PCDH15: variants seen among roughly 807,000 people sequenced by gnomAD.
The protein encoded by PCDH15 is protocadherin related 15, also known as protocadherin-15.
PCDH15 carries 129 observed loss-of-function variants against 178.5 expected under a neutral mutation model. The observed-to-expected ratio is 0.72, with a 90% CI of 0.63 to 0.84. PCDH15 has a LOEUF of 0.84. Ranked by LOEUF, PCDH15 falls within the 40% of genes least tolerant of loss-of-function variation. The pLI, the probability that PCDH15 is intolerant of heterozygous loss-of-function variation, is 0.00. For missense variants in PCDH15, 2,230 were observed against 2,099.9 expected, an observed-to-expected ratio of 1.06 and a Z score of -1.21; for synonymous variants, 800 against 732.0, an observed-to-expected ratio of 1.09 and a Z score of -1.50.
chr10:54,099,077 C>T (rs1043249401), intron 15 of PCDH15, among the ~76,000 whole-genome samples: 3 of 152,108 alleles, frequency 2.0e-5, no homozygotes, highest in East Asian at 1.9e-4. Context: ...ATTTCTCAGC[C>T]TTCACTAGAT....
chr10:55,226,674 G>A lies in PCDH15; in HGVS notation c.-155-60023C>T, dbSNP rs561315470. Reference sequence around the variant, plus strand: ...TGAGATTACAGGCGTGAGCCACTGCGCCCGGCCAAGAATAGTTAAAGAAAA... The same window carrying A: ...TGAGATTACAGGCGTGAGCCACTGCACCCGGCCAAGAATAGTTAAAGAAAA... On this transcript the variant is annotated intron_variant, in intron 1 of 5. Transcript: ENST00000458638. Among the ~76,000 whole-genome samples the A allele has an allele frequency of 2.0e-4, 31 of 152,090 alleles. No individual in the cohort carries two copies. The East Asian group carries it at 3.5e-3, about 17-fold the overall frequency.
At chr10:53,931,599 T>TACAGA (rs146933809) in intron 25 of PCDH15, among the ~76,000 whole-genome samples, 7,098 of 152,214 alleles carry the variant, frequency 0.047, 506 homozygotes, top group African/African-American at 0.16. Context: ...AATATGAAAA[T>TACAGA]ATAGAATTAT....
At chr10:53,817,516 CTTTTTTTTTTCTTTTTT>C (rs776556680) in intron 34 of PCDH15, among the ~76,000 whole-genome samples, 5 of 131,958 alleles carry the variant, frequency 3.8e-5, no homozygotes, top group African/African-American at 1.4e-4. Flanking sequence ...TTTTCTTTTT[CTTTTTTTTTTCTTTTTT>C]TTTTTTTTGA....
chr10:55,044,679 C>T (rs1294358203), intron 2 of PCDH15, among the ~76,000 whole-genome samples: 1 of 152,006 alleles, frequency 6.6e-6, no homozygotes, highest in Non-Finnish European at 1.5e-5. Flanking sequence ...ATGTTTATTG[C>T]TCACTGTTTT....
intron 1 of PCDH15, among the ~76,000 whole-genome samples, chr10:54,701,964 C>T (rs1408929006): frequency 6.6e-6 from 1 of 152,002 alleles, no homozygotes; most frequent in East Asian, 1.9e-4. Flanking sequence ...ACCTAACAGA[C>T]ATAGACAGAA....
chr10:54,725,544 A>G (rs1591302706), intron 1 of PCDH15, among the ~76,000 whole-genome samples: 1 of 125,462 alleles, frequency 8.0e-6, no homozygotes, highest in African/African-American at 2.7e-5. Flanking sequence ...ATATAATTAT[A>G]TATATAATTA....
chr10:54,548,751 A>G (rs952400731), intron 2 of PCDH15, among the ~76,000 whole-genome samples: 15 of 150,574 alleles, frequency 1.0e-4, no homozygotes, highest in South Asian at 4.1e-4. Context: ...CTGACTTTCT[A>G]TGGTTTTTGG....
intron 3 of PCDH15, among the ~76,000 whole-genome samples, chr10:54,421,183 CA>C (rs1223099995): frequency 7.9e-5 from 12 of 151,796 alleles, no homozygotes; most frequent in Non-Finnish European, 1.6e-4. Flanking sequence ...TAAAACAAAA[CA>C]AAATTGTCCC....
At chr10:55,420,394 T>A (rs968003676) in intron 2 of PCDH15, among the ~76,000 whole-genome samples, 3 of 151,684 alleles carry the variant, frequency 2.0e-5, no homozygotes, top group Non-Finnish European at 4.4e-5. Flanking sequence ...CCTAGGAGGT[T>A]GGCAAGAATG....
chr10:55,182,625 A>G (rs963446876), intron 1 of PCDH15, among the ~76,000 whole-genome samples: 3 of 152,030 alleles, frequency 2.0e-5, no homozygotes, highest in South Asian at 2.1e-4. Context: ...ACCAGTGACT[A>G]TCAAACAGTA....
chr10:54,007,838 T>G (rs1208077457), intron 20 of PCDH15, among the ~76,000 whole-genome samples: 1 of 152,158 alleles, frequency 6.6e-6, no homozygotes, highest in Admixed American at 6.6e-5. Context: ...CTGTGGTGAC[T>G]TTTTGGGTCC....
chr10:55,136,215 A>G (rs1240762732), intron 2 of PCDH15, among the ~76,000 whole-genome samples: 1 of 151,902 alleles, frequency 6.6e-6, no homozygotes, highest in Non-Finnish European at 1.5e-5. Context: ...AATTTGGAAA[A>G]CTCTAAGCCT....
chr10:55,470,680 G>A (rs550251064), intron 2 of PCDH15, among the ~76,000 whole-genome samples: 19 of 152,128 alleles, frequency 1.2e-4, no homozygotes, highest in South Asian at 4.2e-4. Flanking sequence ...CAACGTGCAC[G>A]GTTTACATTA....
chr10:54,507,003 C>A (rs1379129795), intron 3 of PCDH15, among the ~76,000 whole-genome samples: 3 of 151,726 alleles, frequency 2.0e-5, no homozygotes, highest in African/African-American at 7.3e-5. Flanking sequence ...TCCATATAAC[C>A]TTAGGCTTTT....
intron 13 of PCDH15, among the ~76,000 whole-genome samples, chr10:54,174,477 G>A (rs1358487797): frequency 2.6e-5 from 4 of 151,986 alleles, no homozygotes; most frequent in Non-Finnish European, 5.9e-5. Context: ...GGAGCTTGCA[G>A]TGAGCTGAGA....
chr10:55,442,166 G>A (rs569690007), intron 2 of PCDH15, among the ~76,000 whole-genome samples: 3 of 151,848 alleles, frequency 2.0e-5, no homozygotes, highest in Admixed American at 6.6e-5. Flanking sequence ...CTAACCCTGC[G>A]AAAAGTGGAA....
chr10:55,296,375 C>T (rs1843133276), intron 1 of PCDH15, among the ~76,000 whole-genome samples: 1 of 152,140 alleles, frequency 6.6e-6, no homozygotes, highest in Non-Finnish European at 1.5e-5. Context: ...GTTGCTTTCT[C>T]TGTCAATCAA....
At chr10:55,467,256 G>A (rs1273195174) in intron 2 of PCDH15, among the ~76,000 whole-genome samples, 1 of 152,054 alleles carries the variant, frequency 6.6e-6, no homozygotes. Context: ...GCTGAGGCTA[G>A]TTCAGTAAGA....
At chr10:55,409,067 G>A (rs985348109) in intron 2 of PCDH15, among the ~76,000 whole-genome samples, 1 of 151,704 alleles carries the variant, frequency 6.6e-6, no homozygotes, top group Non-Finnish European at 1.5e-5. Flanking sequence ...TGTCCTAGGT[G>A]CTTCTCAGTA....
Sources: allele counts gnomAD v4.1 joint callset (sites outside exome capture counted in the v4.1 genomes callset), GRCh38; gene constraint gnomAD v4.1.1; transcripts MANE v1.5; gene names NCBI Gene and HGNC (gene_info 2026-07-23, HGNC 2026-07-21).